Variants in RPTOR observed in about 807,000 individuals in gnomAD.
RPTOR encodes regulatory-associated protein of mTOR.
RPTOR carries 21 observed loss-of-function variants against 169.9 expected under a neutral mutation model. That is an observed-to-expected ratio of 0.12 (90% CI 0.09 to 0.18). RPTOR has a LOEUF of 0.18. Among genes scored for constraint, RPTOR ranks in the 10% least tolerant of loss-of-function variants. RPTOR has a pLI of 1.00. For missense variants in RPTOR, 1,133 were observed against 1,855.9 expected (o/e 0.61, Z 7.16); for synonymous variants, 732 against 753.2 (o/e 0.97, Z 0.46).
chr17:80,725,889 T>C (rs2066328474), intron 4 of RPTOR, among the ~76,000 whole-genome samples: 1 of 152,146 alleles, frequency 6.6e-6, no homozygotes, highest in Non-Finnish European at 1.5e-5. Context: ...TGAAAGGAAA[T>C]CGCCTCTCCT....
chr17:80,658,366 TG>T (rs970822275), intron 3 of RPTOR, among the ~76,000 whole-genome samples: 7 of 152,362 alleles, frequency 4.6e-5, no homozygotes, highest in African/African-American at 1.7e-4. Flanking sequence ...AGGATATTTT[TG>T]CTGTGTGTAG....
chr17:80,842,755 C>T lies in RPTOR; in HGVS notation c.1213-3718C>T, dbSNP rs571069186. Reference sequence around the variant, plus strand: ...AGATGAGCATTCTGAGCAGACGCTACGCTCTTTGTCAGCTAGCAGCTTGTG... The same window carrying T: ...AGATGAGCATTCTGAGCAGACGCTATGCTCTTTGTCAGCTAGCAGCTTGTG... On this transcript the variant is annotated intron_variant, in intron 10 of 33. Transcript: ENST00000306801. 1.1e-4 allele frequency among the ~76,000 whole-genome samples: 17 copies of T among 152,336 alleles called. No homozygotes were observed. In the East Asian group the frequency reaches 2.9e-3, roughly 26 times the overall value.
intron 28 of RPTOR, among the ~76,000 whole-genome samples, chr17:80,956,141 C>A (rs749863018): frequency 2.6e-5 from 4 of 152,086 alleles, no homozygotes; most frequent in Non-Finnish European, 5.9e-5. Context: ...TGGGAGGCGC[C>A]CTCAGCCCAA....
chr17:80,941,088 T>G (rs1407498255), intron 25 of RPTOR: 1 of 156,632 alleles, frequency 6.4e-6, no homozygotes, highest in Non-Finnish European at 1.4e-5. Context: ...TGCCAGGCCC[T>G]GCTTTCCTCA....
At chr17:80,764,519 C>G (rs1598289271) in intron 6 of RPTOR, among the ~76,000 whole-genome samples, 1 of 151,946 alleles carries the variant, frequency 6.6e-6, no homozygotes, top group East Asian at 1.9e-4. Context: ...GCATAGTATT[C>G]CATGGTGTAT....
intron 3 of RPTOR, among the ~76,000 whole-genome samples, chr17:80,673,515 C>T (rs942172345): frequency 4.6e-5 from 7 of 152,182 alleles, no homozygotes; most frequent in Admixed American, 6.5e-5. Context: ...CAGCTGTCAT[C>T]GTTGTTTGGC....
chr17:80,720,666 G>A (rs748330558), intron 4 of RPTOR, among the ~76,000 whole-genome samples: 2 of 152,288 alleles, frequency 1.3e-5, no homozygotes, highest in Non-Finnish European at 1.5e-5. Flanking sequence ...CTGACTTCGC[G>A]GGTGCCCTGC....
intron 3 of RPTOR, among the ~76,000 whole-genome samples, chr17:80,700,186 T>C (rs952265690): frequency 6.6e-6 from 1 of 152,186 alleles, no homozygotes; most frequent in Non-Finnish European, 1.5e-5. Flanking sequence ...AGATTATGTC[T>C]AGTGATCAGG....
At chr17:80,871,806 T>C (rs1284466059) in intron 13 of RPTOR, among the ~76,000 whole-genome samples, 1 of 152,250 alleles carries the variant, frequency 6.6e-6, no homozygotes, top group Non-Finnish European at 1.5e-5. Flanking sequence ...TTTTTTAGTA[T>C]TCCTTCTTTC....
At chr17:80,723,033 G>A (rs2066300132) in intron 4 of RPTOR, among the ~76,000 whole-genome samples, 1 of 151,326 alleles carries the variant, frequency 6.6e-6, no homozygotes, top group Non-Finnish European at 1.5e-5. Flanking sequence ...TTTGTCTGAT[G>A]TGTTCTCATG....
intron 3 of RPTOR, among the ~76,000 whole-genome samples, chr17:80,675,224 G>A (rs982585780): frequency 6.6e-6 from 1 of 152,182 alleles, no homozygotes; most frequent in African/African-American, 2.4e-5. Flanking sequence ...TTTGTTGGCT[G>A]TTCGTCATGG....
At chr17:80,615,796 T>G (rs2143501665) in intron 1 of RPTOR, among the ~76,000 whole-genome samples, 1 of 152,240 alleles carries the variant, frequency 6.6e-6, no homozygotes, top group East Asian at 1.9e-4. Context: ...CCCTTGTCAT[T>G]AATGTTAGAC....
chr17:80,682,577 C>T lies in RPTOR; in HGVS notation c.349-25264C>T, dbSNP rs374218439. 1.8e-3 allele frequency among the ~76,000 whole-genome samples: 275 copies of T among 152,290 alleles called. 1 individual carries two copies. The highest frequency in any genetic ancestry group is 6.4e-3 in the African/African-American group (266 of 41,560). ...GATGTGGCCACAGGCCAAGGAACAC[C>T]GAGGCGTGCCCACGGCCACCAGAAA... On this transcript the variant is annotated intron_variant, in intron 3 of 33. Transcript: ENST00000306801.
At chr17:80,766,413 A>G (rs1267307132) in intron 6 of RPTOR, among the ~76,000 whole-genome samples, 1 of 152,186 alleles carries the variant, frequency 6.6e-6, no homozygotes, top group Non-Finnish European at 1.5e-5. Flanking sequence ...GCAGTGACAC[A>G]GTCATAGCTC....
chr17:80,792,660 A>G (rs1032994200), intron 7 of RPTOR, among the ~76,000 whole-genome samples: 27 of 152,272 alleles, frequency 1.8e-4, no homozygotes, highest in African/African-American at 6.3e-4. Context: ...GGAGGCTCTC[A>G]GAAGCATCAC....
chr17:80,937,591 G>A (rs1291130313), intron 24 of RPTOR, among the ~76,000 whole-genome samples: 1 of 152,214 alleles, frequency 6.6e-6, no homozygotes, highest in Non-Finnish European at 1.5e-5. Flanking sequence ...TCCTCATCAT[G>A]TAACAGGATC....
At chr17:80,921,494 G>A (rs186347362) in intron 21 of RPTOR, among the ~76,000 whole-genome samples, 5 of 152,354 alleles carry the variant, frequency 3.3e-5, no homozygotes, top group Middle Eastern at 3.4e-3. Context: ...GTCGGTGGCC[G>A]GGCAGCGCAC....
intron 24 of RPTOR, among the ~76,000 whole-genome samples, chr17:80,934,846 A>G (rs925878895): frequency 2.6e-5 from 4 of 152,154 alleles, no homozygotes; most frequent in African/African-American, 9.7e-5. Flanking sequence ...AAAACCAAAG[A>G]TATCACAAGA....
At chr17:80,638,785 CAT>C (rs1266705934) in intron 2 of RPTOR, among the ~76,000 whole-genome samples, 1 of 152,208 alleles carries the variant, frequency 6.6e-6, no homozygotes, top group African/African-American at 2.4e-5. Context: ...TTCATCCCCT[CAT>C]ATCTGCTGAA....
Sources: allele counts gnomAD v4.1 joint callset (sites outside exome capture counted in the v4.1 genomes callset), GRCh38; gene constraint gnomAD v4.1.1; transcripts MANE v1.5; gene names NCBI Gene and HGNC (gene_info 2026-07-23, HGNC 2026-07-21).